CELF2: variants seen among roughly 807,000 people sequenced by gnomAD.
The protein encoded by CELF2 is CUG triplet repeat RNA-binding protein 2.
In CELF2, 8 loss-of-function variants were observed where a neutral mutation model predicts 62.6. That is an observed-to-expected ratio of 0.13 (90% CI 0.07 to 0.23). CELF2 has a LOEUF of 0.23. Among genes scored for constraint, CELF2 ranks in the 10% least tolerant of loss-of-function variants. The probability of loss-of-function intolerance (pLI) is 1.00; values close to 1 mark genes in which losing one functional copy is unlikely to be tolerated. For synonymous variants in CELF2, 258 were observed against 250.0 expected, an observed-to-expected ratio of 1.03 and a Z score of -0.30; for missense variants, 333 against 671.0, an observed-to-expected ratio of 0.50 and a Z score of 5.56.
chr10:11,119,864 T>TCTCCCCCCCCCCCCCCC (rs1399108400), intron 1 of CELF2, among the ~76,000 whole-genome samples: 21 of 112,126 alleles, frequency 1.9e-4, no homozygotes, highest in African/African-American at 3.3e-4. Flanking sequence ...TGATTCCGCC[T>TCTCCCCCCCCCCCCCCC]CCCCCCCCCC....
At chr10:11,278,137 G>A (rs927960443) in intron 8 of CELF2, among the ~76,000 whole-genome samples, 2 of 152,170 alleles carry the variant, frequency 1.3e-5, no homozygotes, top group Non-Finnish European at 2.9e-5. Context: ...AATTTTAGAC[G>A]ACTGGATCCT....
At chr10:11,193,763 T>C (rs1239025030) in intron 2 of CELF2, among the ~76,000 whole-genome samples, 1 of 152,216 alleles carries the variant, frequency 6.6e-6, no homozygotes, top group Non-Finnish European at 1.5e-5. Context: ...TGTTTGATCT[T>C]ATGCATGGTT....
chr10:11,102,384 T>A (rs2051949343), intron 1 of CELF2, among the ~76,000 whole-genome samples: 2 of 152,200 alleles, frequency 1.3e-5, no homozygotes, highest in Non-Finnish European at 2.9e-5. Flanking sequence ...AATTCTCAGT[T>A]CATAAGGTAA....
chr10:10,718,036 C>A, the CELF2 span, among the ~76,000 whole-genome samples: 1 of 152,136 alleles, frequency 6.6e-6, no homozygotes, highest in Admixed American at 6.5e-5. Context: ...GATTATATAA[C>A]TTCGTCTTTG....
chr10:10,939,095 TG>T, intron 2 of CELF2, among the ~76,000 whole-genome samples: 1 of 150,250 alleles, frequency 6.7e-6, no homozygotes, highest in South Asian at 2.1e-4. Flanking sequence ...TGGCCGCTAT[TG>T]TAACCCCATC....
intron 2 of CELF2, among the ~76,000 whole-genome samples, chr10:11,194,218 A>G (rs1325911042): frequency 6.6e-6 from 1 of 152,010 alleles, no homozygotes; most frequent in African/African-American, 2.4e-5. Flanking sequence ...GGCACACGCC[A>G]CCACACCCAG....
the CELF2 span, among the ~76,000 whole-genome samples, chr10:10,739,934 GTTATTTGTTTTTGTTATTT>G: frequency 1.3e-5 from 2 of 151,848 alleles, no homozygotes; most frequent in Non-Finnish European, 2.9e-5. Context: ...TTTTAATCAG[GTTATTTGTTTTTGTTATTT>G]TTATTTGTTG....
Position 11,237,267 on chromosome 10 carries a change from C to T in CELF2, c.355-11886C>T, listed in dbSNP as rs538195755. Among the ~76,000 whole-genome samples, 33 of 152,284 alleles carry T rather than the reference C, an allele frequency of 2.2e-4. No individual in the cohort carries two copies. Among genetic ancestry groups the T allele is most frequent in the Middle Eastern group, 3.4e-3 (1 of 294 alleles). ...AGAAAATTAAGCAAATTTAGAGCCA[C>T]GCCAGAGTGTTAGGTGAGAGGTCTG... On this transcript the variant is annotated intron_variant, in intron 3 of 12. Transcript: ENST00000633077. The surrounding 1 kb of genome is among the most constrained non-coding windows in gnomAD (Gnocchi z 4.0).
the CELF2 span, among the ~76,000 whole-genome samples, chr10:10,476,526 T>A: frequency 6.6e-6 from 1 of 152,128 alleles, no homozygotes; most frequent in East Asian, 1.9e-4. Flanking sequence ...TGTATTTGGA[T>A]GGTAGCTATG....
the CELF2 span, among the ~76,000 whole-genome samples, chr10:10,530,945 C>T: frequency 2.0e-5 from 3 of 152,184 alleles, no homozygotes; most frequent in Non-Finnish European, 2.9e-5. Context: ...CTGGTGACTG[C>T]TCGTAGTATT....
At chr10:10,845,775 C>T (rs990034980) in intron 1 of CELF2, among the ~76,000 whole-genome samples, 18 of 152,122 alleles carry the variant, frequency 1.2e-4, no homozygotes, top group African/African-American at 4.3e-4. Context: ...TGAGCACTTT[C>T]ATGTGATGGC....
intron 3 of CELF2, among the ~76,000 whole-genome samples, chr10:11,235,215 G>T (rs933917027): frequency 1.3e-5 from 2 of 152,176 alleles, no homozygotes; most frequent in African/African-American, 4.8e-5. Context: ...CCCATTAAAT[G>T]CTACATTTCC....
At chr10:11,327,612 G>GTAAC (rs1219252268) in intron 12 of CELF2, among the ~76,000 whole-genome samples, 4 of 152,142 alleles carry the variant, frequency 2.6e-5, no homozygotes, top group Non-Finnish European at 5.9e-5. Context: ...TTTCCATTCT[G>GTAAC]TAACTATCTT....
the CELF2 span, among the ~76,000 whole-genome samples, chr10:10,502,558 A>T: frequency 2.0e-5 from 3 of 152,010 alleles, no homozygotes; most frequent in African/African-American, 7.2e-5. Flanking sequence ...GTGTATATGA[A>T]TATTCATAAT....
intron 1 of CELF2, among the ~76,000 whole-genome samples, chr10:10,837,754 G>C (rs2058399334): frequency 6.6e-6 from 1 of 152,132 alleles, no homozygotes; most frequent in Non-Finnish European, 1.5e-5. Flanking sequence ...CCATCCCCAG[G>C]AAAAGTGCTG....
chr10:10,893,645 C>T (rs1000384940), intron 1 of CELF2, among the ~76,000 whole-genome samples: 1 of 152,152 alleles, frequency 6.6e-6, no homozygotes, highest in Admixed American at 6.5e-5. Flanking sequence ...GTATGGGAAA[C>T]ATAGTGGCTT....
Position 10,910,699 on chromosome 10 carries a change from C to CAAAA in CELF2, c.54-9248_54-9245dup, listed in dbSNP as rs55954207. On this transcript the variant is annotated intron_variant, in intron 1 of 13. Transcript: ENST00000636488. ...TGGACTACAGAGTGAGACTCTGCCT[C>CAAAA]AAAAAAAAAAAAAAAAAAAAGAAAA... is the stretch of plus-strand genomic sequence containing the variant. Among the ~76,000 whole-genome samples the CAAAA allele has an allele frequency of 3.6e-3, 335 of 92,010 alleles. 2 individuals are homozygous for CAAAA. Among genetic ancestry groups the CAAAA allele is most frequent in the African/African-American group, 7.8e-3 (198 of 25,528 alleles). The allele number at this position is 92,010 out of a possible 152,430, so 60.4% of individuals were successfully genotyped here. A position where few individuals can be genotyped will look rare whatever the true frequency, so the allele number is the denominator to read the frequency against.
chr10:10,992,116 T>C (rs1240754457), intron 2 of CELF2, among the ~76,000 whole-genome samples: 1 of 152,216 alleles, frequency 6.6e-6, no homozygotes, highest in Non-Finnish European at 1.5e-5. Context: ...AGTCAATTGC[T>C]GCAATAAGGC....
intron 2 of CELF2, among the ~76,000 whole-genome samples, chr10:11,169,757 G>A (rs1031006522): frequency 6.6e-6 from 1 of 152,222 alleles, no homozygotes; most frequent in Admixed American, 6.5e-5. Context: ...TCTGTCATGG[G>A]AATGGAAGGG....
Sources: allele counts gnomAD v4.1 joint callset (sites outside exome capture counted in the v4.1 genomes callset), GRCh38; gene constraint gnomAD v4.1.1; non-coding constraint Gnocchi (gnomAD v3.1); transcripts MANE v1.5; gene names NCBI Gene and HGNC (gene_info 2026-07-23, HGNC 2026-07-21).